Variants in GRIP1 observed in about 807,000 individuals in gnomAD.
GRIP1 encodes the protein glutamate receptor-interacting protein 1.
A neutral mutation model predicts 129.9 loss-of-function variants in GRIP1; 45 were observed. The observed-to-expected ratio is 0.35, with a 90% CI of 0.27 to 0.44. The LOEUF is 0.44. Ranked by LOEUF, GRIP1 falls within the 20% of genes least tolerant of loss-of-function variation. The pLI is 1.00. For synonymous variants in GRIP1, 530 were observed against 520.8 expected, an observed-to-expected ratio of 1.02 and a Z score of -0.24; for missense variants, 1,196 against 1,396.8, an observed-to-expected ratio of 0.86 and a Z score of 2.29.
intron 9 of GRIP1, among the ~76,000 whole-genome samples, chr12:66,457,078 T>G (rs2058989515): frequency 6.6e-6 from 1 of 152,212 alleles, no homozygotes; most frequent in Non-Finnish European, 1.5e-5. Context: ...TATTTCAAAC[T>G]TTATTAAAAT....
At chr12:66,614,482 T>C (rs2064951419) in intron 1 of GRIP1, among the ~76,000 whole-genome samples, 1 of 152,098 alleles carries the variant, frequency 6.6e-6, no homozygotes, top group African/African-American at 2.4e-5. Context: ...TGCTCTTCCT[T>C]AGAATGTATT....
chr12:66,747,892 G>A (rs1386471561), intron 1 of GRIP1, among the ~76,000 whole-genome samples: 5 of 152,064 alleles, frequency 3.3e-5, no homozygotes, highest in Admixed American at 1.3e-4. Context: ...TATAATTCAC[G>A]TAATACGGAT....
rs140425754 is a variant in GRIP1, at chr12:66,520,097, C to A, written c.503-2121G>T. On this transcript the variant is annotated intron_variant, in intron 5 of 24. Coordinates refer to ENST00000359742, the MANE Select transcript of GRIP1 (RefSeq NM_001366722.1). ...AAAGCTTAATGTTGCAAGTTCCATT[C>A]TATTAGGTTAGAACTTCTCCCATAC... Among the ~76,000 whole-genome samples the A allele has an allele frequency of 1.7e-3, 257 of 152,284 alleles. 2 individuals are homozygous for A. The Middle Eastern group carries it at 0.048, about 28-fold the overall frequency.
chr12:66,463,136 C>T, intron 8 of GRIP1, 43 bp from the exon 9 acceptor site: 3 of 1,491,274 alleles, frequency 2.0e-6, no homozygotes, highest in Non-Finnish European at 2.8e-6. Flanking sequence ...GTGCCTTCCT[C>T]TTTGGAATCT....
rs1411592463 is a variant in GRIP1, at chr12:66,811,079, GT to G, written c.59-214153del. The stretch of plus-strand genomic sequence containing the variant: ...TGTCTGCATTTGTAAATTTATTGTG[GT>G]TGTTTAGACTTCTTGCAAAATGAAA... On this transcript the variant is annotated intron_variant, in intron 1 of 1. Transcript: ENST00000643019. Among the ~76,000 whole-genome samples the G allele has an allele frequency of 3.3e-5, 5 of 152,274 alleles. No individual in the cohort carries two copies. The East Asian group carries it at 9.6e-4, about 29-fold the overall frequency.
chr12:66,892,372 C>CT (rs1245062005), intron 1 of GRIP1, among the ~76,000 whole-genome samples: 1 of 152,058 alleles, frequency 6.6e-6, no homozygotes, highest in Middle Eastern at 3.2e-3. Flanking sequence ...CAGAGAGAAC[C>CT]TTTTTTAAAA....
intron 1 of GRIP1, among the ~76,000 whole-genome samples, chr12:66,707,416 G>A (rs2035567274): frequency 6.8e-6 from 1 of 146,502 alleles, no homozygotes; most frequent in South Asian, 2.2e-4. Context: ...AGTCTCTAAT[G>A]TACGATTTAA....
At chr12:66,997,483 AAATT>A (rs2042485650) in intron 1 of GRIP1, among the ~76,000 whole-genome samples, 1 of 152,200 alleles carries the variant, frequency 6.6e-6, no homozygotes, top group African/African-American at 2.4e-5. Context: ...GCTTTAAAAT[AAATT>A]AAGTTCTCAC....
chr12:66,555,792 C>A (rs1261366604), intron 2 of GRIP1, among the ~76,000 whole-genome samples: 1 of 151,690 alleles, frequency 6.6e-6, no homozygotes, highest in Non-Finnish European at 1.5e-5. Flanking sequence ...AAGAATGCAC[C>A]ACAGTCTGTT....
chr12:66,626,153 C>T (rs778043785), intron 1 of GRIP1, among the ~76,000 whole-genome samples: 38 of 151,966 alleles, frequency 2.5e-4, no homozygotes, highest in Admixed American at 7.2e-4. Flanking sequence ...GGTGAAACCC[C>T]CATCTCTATC....
upstream of GRIP1, among the ~76,000 whole-genome samples, chr12:66,807,902 T>A (rs2039026840): frequency 6.6e-6 from 1 of 151,904 alleles, no homozygotes; most frequent in Admixed American, 6.6e-5. Flanking sequence ...ACTTCTGAAT[T>A]TTTTCCCATC....
At chr12:66,899,729 C>G (rs570026120) in intron 1 of GRIP1, among the ~76,000 whole-genome samples, 1 of 152,286 alleles carries the variant, frequency 6.6e-6, no homozygotes, top group East Asian at 1.9e-4. Flanking sequence ...ACTTCAATTG[C>G]TCATGCATGC....
upstream of GRIP1, among the ~76,000 whole-genome samples, chr12:66,808,609 T>TG (rs921656722): frequency 1.2e-4 from 19 of 152,234 alleles, no homozygotes; most frequent in African/African-American, 4.1e-4. Flanking sequence ...TGTTTTGTTT[T>TG]TTTTTAAACT....
intron 1 of GRIP1, among the ~76,000 whole-genome samples, chr12:66,831,138 G>C (rs1235079490): frequency 1.3e-5 from 2 of 152,068 alleles, no homozygotes; most frequent in East Asian, 1.9e-4. Flanking sequence ...ACAGGTGCGA[G>C]CTACGGCACA....
At chr12:66,741,008 G>T (rs1358081917) in intron 1 of GRIP1, among the ~76,000 whole-genome samples, 1 of 152,098 alleles carries the variant, frequency 6.6e-6, no homozygotes, top group Non-Finnish European at 1.5e-5. Context: ...GAAAAAAAAT[G>T]TCCAATTTGA....
intron 2 of GRIP1, among the ~76,000 whole-genome samples, chr12:66,550,273 G>C (rs1381282693): frequency 6.6e-6 from 1 of 152,130 alleles, no homozygotes; most frequent in African/African-American, 2.4e-5. Context: ...GTGAAATTAA[G>C]TAATACAATT....
chr12:67,064,254 A>G (rs1274936706), intron 1 of GRIP1, among the ~76,000 whole-genome samples: 1 of 152,236 alleles, frequency 6.6e-6, no homozygotes, highest in South Asian at 2.1e-4. Flanking sequence ...TGAATTCCTA[A>G]TGAAAGATTT....
At chr12:66,481,759 T>C (rs1045098992) in intron 7 of GRIP1, among the ~76,000 whole-genome samples, 1 of 152,162 alleles carries the variant, frequency 6.6e-6, no homozygotes, top group African/African-American at 2.4e-5. Flanking sequence ...CATGGAATAC[T>C]ATGCAGTCAT....
chr12:66,496,339 A>G (rs2060238888), intron 7 of GRIP1, among the ~76,000 whole-genome samples: 1 of 152,132 alleles, frequency 6.6e-6, no homozygotes, highest in Non-Finnish European at 1.5e-5. Context: ...AGACCCACAG[A>G]ACACCCAGCT....
Sources: allele counts gnomAD v4.1 joint callset (sites outside exome capture counted in the v4.1 genomes callset), GRCh38; gene constraint gnomAD v4.1.1; transcripts MANE v1.5; gene names NCBI Gene and HGNC (gene_info 2026-07-23, HGNC 2026-07-21).